The following DPP6 variants were observed in gnomAD, a reference collection of about 807,000 sequenced individuals.
The protein encoded by DPP6 is dipeptidyl peptidase like 6, also known as A-type potassium channel modulatory protein DPP6.
A neutral mutation model predicts 122.6 loss-of-function variants in DPP6; 69 were observed. The observed-to-expected ratio is 0.56, with a 90% CI of 0.46 to 0.69. The LOEUF (loss-of-function observed/expected upper bound fraction) is 0.69. DPP6 is among the 30% of genes least tolerant of loss of function. DPP6 has a pLI of 0.00. For synonymous variants in DPP6, 418 were observed against 433.1 expected, an observed-to-expected ratio of 0.97 and a Z score of 0.43; for missense variants, 928 against 1,116.9, an observed-to-expected ratio of 0.83 and a Z score of 2.41.
chr7:154,846,238 A>G (rs1265948041), intron 16 of DPP6, among the ~76,000 whole-genome samples: 1 of 151,136 alleles, frequency 6.6e-6, no homozygotes, highest in African/African-American at 2.4e-5. Flanking sequence ...GTGTGGGTAT[A>G]TATATATAAT....
intron 1 of DPP6, among the ~76,000 whole-genome samples, chr7:153,889,981 A>T (rs937456863): frequency 3.9e-5 from 6 of 152,198 alleles, no homozygotes; most frequent in Non-Finnish European, 1.5e-5. Flanking sequence ...CCCATGCCTA[A>T]TCTCTCAAGT....
At chr7:154,019,981 G>A (rs1402979722) in intron 1 of DPP6, among the ~76,000 whole-genome samples, 3 of 152,086 alleles carry the variant, frequency 2.0e-5, no homozygotes, top group Admixed American at 6.6e-5. Flanking sequence ...GAGTGATCAC[G>A]TGGAATCTCA....
chr7:154,133,537 T>C (rs1179642950), intron 1 of DPP6, among the ~76,000 whole-genome samples: 6 of 152,164 alleles, frequency 3.9e-5, no homozygotes, highest in African/African-American at 1.4e-4. Context: ...TAGTTAGGCA[T>C]GAGGCATAAT....
chr7:154,640,208 G>C (rs1180558342), intron 6 of DPP6, among the ~76,000 whole-genome samples: 2 of 152,048 alleles, frequency 1.3e-5, no homozygotes, highest in Non-Finnish European at 2.9e-5. Context: ...AGCTGAGATT[G>C]CACCACTGCA....
At chr7:154,500,300 G>A (rs1035346708) in intron 3 of DPP6, among the ~76,000 whole-genome samples, 1 of 152,210 alleles carries the variant, frequency 6.6e-6, no homozygotes, top group Admixed American at 6.5e-5. Flanking sequence ...ATTGCACACT[G>A]TAAAATAGTT....
intron 18 of DPP6, among the ~76,000 whole-genome samples, chr7:154,871,753 A>G (rs62472966): frequency 0.29 from 43,397 of 152,132 alleles, 8,330 homozygotes; most frequent in East Asian, 0.54. Context: ...CCAGCCAGCC[A>G]CCCAAGCCTG....
At chr7:154,516,891 C>G (rs1826560165) in intron 3 of DPP6, among the ~76,000 whole-genome samples, 1 of 152,132 alleles carries the variant, frequency 6.6e-6, no homozygotes, top group Non-Finnish European at 1.5e-5. Context: ...GCAACACGGA[C>G]CAAGGCACCA....
intron 1 of DPP6, among the ~76,000 whole-genome samples, chr7:153,916,379 C>T (rs1352149046): frequency 7.2e-6 from 1 of 139,856 alleles, no homozygotes; most frequent in African/African-American, 2.7e-5. Flanking sequence ...ATCTCCTCCC[C>T]TCTCCTCCCC....
chr7:153,898,146 T>C (rs1284406701), intron 1 of DPP6, among the ~76,000 whole-genome samples: 2 of 152,168 alleles, frequency 1.3e-5, no homozygotes, highest in African/African-American at 4.8e-5. Flanking sequence ...AATAATTTAT[T>C]GTATATTTCA....
chr7:153,887,895 C>G (rs2128991817), intron 1 of DPP6, among the ~76,000 whole-genome samples: 1 of 152,318 alleles, frequency 6.6e-6, no homozygotes, highest in African/African-American at 2.4e-5. Flanking sequence ...CGAGCCCACC[C>G]AGCGGCAGGG....
intron 1 of DPP6, among the ~76,000 whole-genome samples, chr7:153,920,621 C>T (rs899997692): frequency 5.0e-5 from 6 of 119,950 alleles, no homozygotes; most frequent in South Asian, 2.9e-4. Flanking sequence ...AGTGCAGTGG[C>T]GGGATCTCGG....
chr7:154,597,872 T>C (rs1833195687), intron 5 of DPP6, among the ~76,000 whole-genome samples: 1 of 152,148 alleles, frequency 6.6e-6, no homozygotes, highest in Non-Finnish European at 1.5e-5. Flanking sequence ...TGCCTTCGTC[T>C]TCACATGGTG....
rs546546811 is a variant in DPP6, at chr7:154,359,982, G to A, written c.244-86232G>A. 1.9e-4 allele frequency among the ~76,000 whole-genome samples: 29 copies of A among 152,294 alleles called. No individual in the cohort carries two copies. The South Asian group carries it at 2.9e-3, about 15-fold the overall frequency. ...AGAAATGATCGAGCTGCGAGCTGCCGGAGGACCGCATGCAGGGGAAATTTT... is the reference window on the plus strand; with the variant it reads ...AGAAATGATCGAGCTGCGAGCTGCCAGAGGACCGCATGCAGGGGAAATTTT... On this transcript the variant is annotated intron_variant, in intron 1 of 25. Coordinates refer to ENST00000377770, the MANE Select transcript of DPP6 (RefSeq NM_130797.4).
At chr7:153,894,175 T>A (rs1301851377) in intron 1 of DPP6, among the ~76,000 whole-genome samples, 3 of 152,202 alleles carry the variant, frequency 2.0e-5, no homozygotes, top group Admixed American at 6.5e-5. Context: ...ACCACAAGGA[T>A]TTTATTGGGT....
chr7:154,466,823 T>A (rs1679583723), intron 2 of DPP6, among the ~76,000 whole-genome samples: 1 of 152,190 alleles, frequency 6.6e-6, no homozygotes, highest in Non-Finnish European at 1.5e-5. Flanking sequence ...TAAAGCACAT[T>A]CATTCACTCT....
intron 1 of DPP6, among the ~76,000 whole-genome samples, chr7:154,108,922 A>AT (rs1302437733): frequency 1.3e-5 from 2 of 152,318 alleles, no homozygotes; most frequent in African/African-American, 4.8e-5. Flanking sequence ...AATTGTATTC[A>AT]TTTTTTAAGT....
intron 8 of DPP6, among the ~76,000 whole-genome samples, chr7:154,745,563 G>A (rs1842999457): frequency 6.6e-6 from 1 of 152,134 alleles, no homozygotes; most frequent in African/African-American, 2.4e-5. Context: ...ACCTGAAACT[G>A]GGCAATTTAT....
chr7:154,825,134 T>C (rs1407542497), intron 16 of DPP6, among the ~76,000 whole-genome samples: 2 of 152,314 alleles, frequency 1.3e-5, no homozygotes, highest in South Asian at 4.1e-4. Flanking sequence ...CTTGAATCAA[T>C]ATACCAGATG....
chr7:154,828,536 A>T (rs558809299), intron 16 of DPP6, among the ~76,000 whole-genome samples: 1 of 152,332 alleles, frequency 6.6e-6, no homozygotes, highest in East Asian at 1.9e-4. Flanking sequence ...TAGAAAAGGC[A>T]TTGCCTAGTT....
Sources: gnomAD v4.1 joint callset for allele counts (sites outside exome capture counted in the v4.1 genomes callset) on GRCh38, gnomAD v4.1.1 for gene constraint, MANE v1.5 for transcripts, NCBI Gene and HGNC (gene_info 2026-07-23, HGNC 2026-07-21) for gene names.